The following DLG2 variants were observed in gnomAD, a reference collection of about 807,000 sequenced individuals.
DLG2 encodes discs large MAGUK scaffold protein 2.
A neutral mutation model predicts 132.5 loss-of-function variants in DLG2; 45 were observed. The observed-to-expected ratio is 0.34, with a 90% CI of 0.27 to 0.44. DLG2 has a LOEUF of 0.44. Among genes scored for constraint, DLG2 ranks in the 20% least tolerant of loss-of-function variants. The probability of loss-of-function intolerance (pLI) is 1.00; values close to 1 mark genes in which losing one functional copy is unlikely to be tolerated. For missense variants in DLG2, 1,045 were observed against 1,196.9 expected (o/e 0.87, Z 1.87); for synonymous variants, 424 against 419.6 (o/e 1.01, Z -0.13).
Position 85,286,132 on chromosome 11 carries a change from CA to C in DLG2, c.41-768del, listed in dbSNP as rs1046055442. 6 of 451,104 alleles carry C rather than the reference CA, an allele frequency of 1.3e-5. No individual in the cohort carries two copies. The Admixed American group carries it at 1.5e-4, about 11-fold the overall frequency. 27.9% of individuals were successfully genotyped at this position (451,104 alleles called of 1,614,324 possible). ...TGAAAATGAACAGAGACTATAAAACCAAAGTCAAGGAAACTATACAAAAGCA... is the reference window on the plus strand; with the variant it reads ...TGAAAATGAACAGAGACTATAAAACCAAGTCAAGGAAACTATACAAAAGCA... On this transcript the variant is annotated intron_variant, in intron 3 of 27. Coordinates refer to ENST00000376104, the MANE Select transcript of DLG2 (RefSeq NM_001142699.3).
chr11:85,117,270 G>T (rs545719194), intron 5 of DLG2, among the ~76,000 whole-genome samples: 1 of 152,050 alleles, frequency 6.6e-6, no homozygotes, highest in African/African-American at 2.4e-5. Context: ...TGTCCATGAG[G>T]GAAAAACTCA....
chr11:83,926,457 A>T (rs2078994988), intron 15 of DLG2, among the ~76,000 whole-genome samples: 1 of 152,178 alleles, frequency 6.6e-6, no homozygotes, highest in Non-Finnish European at 1.5e-5. Flanking sequence ...TATCTACTGC[A>T]TCCTAAAAAT....
At chr11:85,426,158 G>C (rs1020689654) in intron 3 of DLG2, among the ~76,000 whole-genome samples, 1 of 152,232 alleles carries the variant, frequency 6.6e-6, no homozygotes, top group Non-Finnish European at 1.5e-5. Flanking sequence ...ACTGGGTAGA[G>C]CCCACCGCAG....
rs1357866827 is a variant in DLG2 at position 84,712,199 on chromosome 11, G to C, written c.358-177468C>G. ...AAAGTCTGAGCTCTTTCAGTATTCT[G>C]AATTGTACAATTCAATATTCCCTTT... On this transcript the variant is annotated intron_variant, in intron 6 of 27. Coordinates refer to ENST00000376104, the MANE Select transcript of DLG2 (RefSeq NM_001142699.3). 2.0e-5 allele frequency among the ~76,000 whole-genome samples: 3 copies of C among 152,058 alleles called. No individual in the cohort carries two copies. In the East Asian group the frequency reaches 5.8e-4, roughly 29 times the overall value.
At chr11:83,550,710 G>A (rs2096369623) in intron 19 of DLG2, among the ~76,000 whole-genome samples, 1 of 152,170 alleles carries the variant, frequency 6.6e-6, no homozygotes, top group Non-Finnish European at 1.5e-5. Context: ...AAGACTGCTT[G>A]GATGAACAGC....
At chr11:84,512,387 G>C (rs2099259515) in intron 7 of DLG2, among the ~76,000 whole-genome samples, 1 of 152,074 alleles carries the variant, frequency 6.6e-6, no homozygotes, top group African/African-American at 2.4e-5. Flanking sequence ...AAAAAAATCA[G>C]ATTTGAAAGA....
At chr11:85,622,360 C>T (rs905353042) in intron 2 of DLG2, among the ~76,000 whole-genome samples, 1 of 151,896 alleles carries the variant, frequency 6.6e-6, no homozygotes, top group Non-Finnish European at 1.5e-5. Context: ...GGCCTTATTT[C>T]AGTGGTCTGG....
In DLG2 at chr11:83,980,682, TG is replaced by T; in HGVS notation, c.920-41del. The T allele has an allele frequency of 4.1e-6, 6 of 1,463,260 alleles. No individual in the cohort carries two copies. The South Asian group carries it at 9.1e-5, about 22-fold the overall frequency. The allele number at this position is 1,463,260 out of a possible 1,614,324, so 90.6% of individuals were successfully genotyped here. A position where few individuals can be genotyped will look rare whatever the true frequency, so the allele number is the denominator to read the frequency against. On this transcript the variant is annotated intron_variant, in intron 11 of 27. Coordinates refer to ENST00000376104, the MANE Select transcript of DLG2 (RefSeq NM_001142699.3). ...CAGAAAATGGAAAGCCTTGTTTTGT[TG>T]TTGTAGTTGTTTTTAGAAAATGCAG...
Position 85,529,076 on chromosome 11 carries a change from C to T in DLG2, c.40+69581G>A, listed in dbSNP as rs140963685. Among the ~76,000 whole-genome samples the T allele has an allele frequency of 6.4e-4, 97 of 152,304 alleles. 1 individual carries two copies. The highest frequency in any genetic ancestry group is 1.9e-3 in the African/African-American group (78 of 41,572). ...TAATGTCAAGAAAAAGACGAATCTA[C>T]GTGTATTTTAGAATCATCTTGCCAG... On this transcript the variant is annotated intron_variant, in intron 3 of 27. Transcript: ENST00000376104.
chr11:84,795,681 G>C (rs975277082), intron 6 of DLG2, among the ~76,000 whole-genome samples: 1 of 152,124 alleles, frequency 6.6e-6, no homozygotes, highest in African/African-American at 2.4e-5. Flanking sequence ...TGTGGACAAT[G>C]AGAAGAAGAG....
intron 8 of DLG2, among the ~76,000 whole-genome samples, chr11:84,216,115 C>G (rs10898214): frequency 0.7 from 106,719 of 151,942 alleles, 39,038 homozygotes; most frequent in Middle Eastern, 0.82. Context: ...GGCTGTGTTC[C>G]TAATATAAGG....
chr11:85,346,346 C>A (rs922597179), intron 3 of DLG2, among the ~76,000 whole-genome samples: 1 of 151,864 alleles, frequency 6.6e-6, no homozygotes, highest in African/African-American at 2.4e-5. Context: ...TGCCACCACG[C>A]CCAGCTAAAT....
At chr11:84,434,282 A>G (rs1442090347) in intron 7 of DLG2, among the ~76,000 whole-genome samples, 2 of 152,222 alleles carry the variant, frequency 1.3e-5, no homozygotes, top group African/African-American at 4.8e-5. Flanking sequence ...GAGTTACACA[A>G]TCAGTAACTT....
chr11:85,166,840 T>C (rs190807599), intron 4 of DLG2, among the ~76,000 whole-genome samples: 3 of 152,250 alleles, frequency 2.0e-5, no homozygotes, highest in Non-Finnish European at 2.9e-5. Flanking sequence ...CATTACACAA[T>C]ATGTATGGAC....
At chr11:85,128,478 C>A (rs888044118) in intron 5 of DLG2, among the ~76,000 whole-genome samples, 1 of 152,088 alleles carries the variant, frequency 6.6e-6, no homozygotes, top group Non-Finnish European at 1.5e-5. Flanking sequence ...ATTTACTTTT[C>A]GCAGTTCCAC....
chr11:84,147,949 T>C (rs1485563302), intron 9 of DLG2, among the ~76,000 whole-genome samples: 1 of 152,058 alleles, frequency 6.6e-6, no homozygotes, highest in African/African-American at 2.4e-5. Flanking sequence ...TAGGCATTCA[T>C]ATGTTATTTT....
rs961179110 is a variant in DLG2 at position 85,577,375 on chromosome 11, T to C, written c.40+21282A>G. Among the ~76,000 whole-genome samples the C allele has an allele frequency of 3.3e-5, 5 of 152,014 alleles. No homozygotes were observed. The South Asian group carries it at 6.2e-4, about 19-fold the overall frequency. On this transcript the variant is annotated intron_variant, in intron 3 of 27. Transcript: ENST00000376104. Reference sequence around the variant, plus strand: ...TCTGCCAACAAGATTTGCAAATAGATTGTATTGGGGTGCAAAAAAAAGAGA... The same window carrying C: ...TCTGCCAACAAGATTTGCAAATAGACTGTATTGGGGTGCAAAAAAAAGAGA...
intron 9 of DLG2, among the ~76,000 whole-genome samples, chr11:84,121,700 T>C (rs2093928601): frequency 6.6e-6 from 1 of 151,532 alleles, no homozygotes; most frequent in Non-Finnish European, 1.5e-5. Flanking sequence ...TAGCTGGGAC[T>C]ACAGGTGCCC....
chr11:85,048,433 T>TA (rs1240921059), intron 6 of DLG2, among the ~76,000 whole-genome samples: 1 of 151,968 alleles, frequency 6.6e-6, no homozygotes, highest in Non-Finnish European at 1.5e-5. Flanking sequence ...ATGATTAAGA[T>TA]AAGGCTGACC....
Sources: gnomAD v4.1 joint callset for allele counts (sites outside exome capture counted in the v4.1 genomes callset) on GRCh38, gnomAD v4.1.1 for gene constraint, MANE v1.5 for transcripts, NCBI Gene and HGNC (gene_info 2026-07-23, HGNC 2026-07-21) for gene names.